Variants in GRIK1 observed in about 807,000 individuals in gnomAD.
GRIK1 encodes glutamate receptor ionotropic, kainate 1.
Under a neutral mutation model 105.7 loss-of-function variants are expected in GRIK1, and 69 were observed. The ratio of observed to expected loss-of-function variants is 0.65; its 90% CI spans 0.54 to 0.80. The LOEUF is 0.80. GRIK1 is among the 30% of genes least tolerant of loss of function. The pLI, the probability that GRIK1 is intolerant of heterozygous loss-of-function variation, is 0.00. For missense variants in GRIK1, 1,109 were observed against 1,167.3 expected (o/e 0.95, Z 0.73); for synonymous variants, 438 against 431.3 (o/e 1.02, Z -0.19).
At chr21:29,818,905 A>G (rs185194257) in intron 1 of GRIK1, among the ~76,000 whole-genome samples, 2 of 152,158 alleles carry the variant, frequency 1.3e-5, no homozygotes, top group African/African-American at 2.4e-5. Context: ...GGCCAGGAGC[A>G]TTTGTTCACT....
At chr21:29,569,536 T>A (rs1304372372) in intron 14 of GRIK1, among the ~76,000 whole-genome samples, 1 of 152,222 alleles carries the variant, frequency 6.6e-6, no homozygotes, top group Non-Finnish European at 1.5e-5. Flanking sequence ...TATCCCAGCA[T>A]AAGATGTTGG....
intron 7 of GRIK1, among the ~76,000 whole-genome samples, chr21:29,628,560 C>T (rs1199857156): frequency 6.6e-6 from 1 of 152,138 alleles, no homozygotes; most frequent in African/African-American, 2.4e-5. Context: ...AGAATACACA[C>T]CTGGGTTTTC....
intron 1 of GRIK1, among the ~76,000 whole-genome samples, chr21:29,890,554 G>T (rs2069856819): frequency 6.6e-6 from 1 of 152,078 alleles, no homozygotes; most frequent in African/African-American, 2.4e-5. Context: ...TACAGTTGTA[G>T]ATCTGTCTTC....
chr21:29,657,798 C>T (rs1225763048), intron 4 of GRIK1: 2 of 152,298 alleles, frequency 1.3e-5, no homozygotes, highest in African/African-American at 2.4e-5. Context: ...GTCTAATTGT[C>T]GCATACTTTG....
intron 1 of GRIK1, among the ~76,000 whole-genome samples, chr21:29,893,157 A>C (rs1288784056): frequency 6.6e-6 from 1 of 152,206 alleles, no homozygotes; most frequent in Non-Finnish European, 1.5e-5. Flanking sequence ...GGAAATTGAG[A>C]CTTTAAGAGA....
chr21:29,821,755 G>A (rs2067313449), intron 1 of GRIK1, among the ~76,000 whole-genome samples: 1 of 151,970 alleles, frequency 6.6e-6, no homozygotes, highest in Non-Finnish European at 1.5e-5. Context: ...AAGTGGTTGT[G>A]TAAGTTTTTA....
rs144326725 is a variant in GRIK1, at chr21:29,710,531, A to C, written c.119-16468T>G. On this transcript the variant is annotated intron_variant, in intron 1 of 17. Transcript: ENST00000327783. ...AAATGAAAAACATTTTTCCTTAGTTATTGATATTTTTGAGTAGATGTCAAG... is the reference window on the plus strand; with the variant it reads ...AAATGAAAAACATTTTTCCTTAGTTCTTGATATTTTTGAGTAGATGTCAAG... Among the ~76,000 whole-genome samples, 612 of 152,152 alleles carry C rather than the reference A, an allele frequency of 4.0e-3. 6 individuals carry two copies. The highest frequency in any genetic ancestry group is 0.014 in the African/African-American group (579 of 41,536).
At chr21:29,812,710 G>A (rs1234410215) in intron 1 of GRIK1, among the ~76,000 whole-genome samples, 1 of 152,178 alleles carries the variant, frequency 6.6e-6, no homozygotes, top group African/African-American at 2.4e-5. Context: ...ACACAGATGA[G>A]TGAATATGCT....
chr21:29,646,802 A>G (rs2062629940), intron 6 of GRIK1, among the ~76,000 whole-genome samples: 1 of 152,098 alleles, frequency 6.6e-6, no homozygotes, highest in South Asian at 2.1e-4. Context: ...TCTTGGAAAT[A>G]CATGGATTCT....
At chr21:29,576,833 A>G (rs1227112811) in intron 14 of GRIK1, 131 bp downstream of exon 14, 26 of 616,076 alleles carry the variant, frequency 4.2e-5, no homozygotes, top group Non-Finnish European at 6.7e-5. Flanking sequence ...GTAATTATAA[A>G]TTTTATTTCA....
intron 15 of GRIK1, among the ~76,000 whole-genome samples, chr21:29,559,080 T>C (rs888327526): frequency 1.3e-5 from 2 of 152,110 alleles, no homozygotes; most frequent in African/African-American, 2.4e-5. Flanking sequence ...AGGTGGGAGA[T>C]AGAATGATAA....
At position 29,631,949 on chromosome 21, in the gene GRIK1, G is replaced by A. The variant is rs373038479; in HGVS notation, c.1098+10877C>T. ...CCTATTACTTAAATGTTCAATTTAA[G>A]TAATTAAGTAATGAAGCATTGTGTG... On this transcript the variant is annotated intron_variant, in intron 7 of 17. Coordinates refer to ENST00000327783, the MANE Select transcript of GRIK1 (RefSeq NM_001330994.2). 3.3e-5 allele frequency among the ~76,000 whole-genome samples: 5 copies of A among 151,658 alleles called. No homozygotes were observed. In the East Asian group the frequency reaches 7.7e-4, roughly 23 times the overall value.
At chr21:29,761,622 TAA>T (rs1474904318) in intron 1 of GRIK1, among the ~76,000 whole-genome samples, 2 of 152,232 alleles carry the variant, frequency 1.3e-5, no homozygotes, top group Non-Finnish European at 2.9e-5. Flanking sequence ...GAAATTCAAT[TAA>T]GTCTTTTAAA....
chr21:29,926,054 C>T (rs1215193938), intron 1 of GRIK1, among the ~76,000 whole-genome samples: 2 of 150,942 alleles, frequency 1.3e-5, no homozygotes, highest in Non-Finnish European at 2.9e-5. Flanking sequence ...TTCCTGCTCA[C>T]TCAAGTAACT....
At chr21:29,701,400 A>C (rs927813252) in intron 1 of GRIK1, among the ~76,000 whole-genome samples, 2 of 152,172 alleles carry the variant, frequency 1.3e-5, no homozygotes, top group Non-Finnish European at 2.9e-5. Flanking sequence ...AGCCAGGGGA[A>C]ATATAATGTC....
At chr21:29,560,539 T>TCCTTCCTTCCTTC (rs2090441721) in intron 15 of GRIK1, among the ~76,000 whole-genome samples, 1 of 106,248 alleles carries the variant, frequency 9.4e-6, no homozygotes, top group Admixed American at 1.1e-4. Context: ...TTTCTTTCTT[T>TCCTTCCTTCCTTC]CTTTCTTTCT....
At chr21:29,812,234 A>G (rs1368755342) in intron 1 of GRIK1, among the ~76,000 whole-genome samples, 1 of 152,184 alleles carries the variant, frequency 6.6e-6, no homozygotes, top group Non-Finnish European at 1.5e-5. Flanking sequence ...CACCAGGCAC[A>G]TAATAGAGTT....
intron 1 of GRIK1, among the ~76,000 whole-genome samples, chr21:29,929,557 A>C (rs2071496336): frequency 6.6e-6 from 1 of 152,150 alleles, no homozygotes; most frequent in Non-Finnish European, 1.5e-5. Flanking sequence ...TTTTTTGCTT[A>C]TTTCTTCTTA....
intron 16 of GRIK1, among the ~76,000 whole-genome samples, chr21:29,546,310 A>G (rs1291823008): frequency 1.3e-5 from 2 of 152,214 alleles, no homozygotes; most frequent in African/African-American, 2.4e-5. Flanking sequence ...GACACTATGT[A>G]TGAAACATTC....
Sources: allele counts gnomAD v4.1 joint callset (sites outside exome capture counted in the v4.1 genomes callset), GRCh38; gene constraint gnomAD v4.1.1; transcripts MANE v1.5; gene names NCBI Gene and HGNC (gene_info 2026-07-23, HGNC 2026-07-21).